The following FANCC variants were observed in gnomAD, a reference collection of about 807,000 sequenced individuals.
FANCC encodes FA complementation group C, also known as Fanconi anemia group C protein.
In FANCC, 55 loss-of-function variants were observed where a neutral mutation model predicts 71.3. The observed-to-expected ratio is 0.77, with a 90% CI of 0.62 to 0.97. The LOEUF (loss-of-function observed/expected upper bound fraction) is 0.97. Ranked by LOEUF, FANCC falls within the 50% of genes least tolerant of loss-of-function variation. The pLI is 0.00. For synonymous variants in FANCC, 275 were observed against 244.9 expected (o/e 1.12, Z -1.15); for missense variants, 678 against 670.9 (o/e 1.01, Z -0.12).
At chr9:95,106,660 C>A (rs1159064085) in intron 14 of FANCC, among the ~76,000 whole-genome samples, 1 of 152,206 alleles carries the variant, frequency 6.6e-6, no homozygotes, top group Admixed American at 6.5e-5. Context: ...TAACAGAATT[C>A]TTTGCACTGT....
chr9:95,155,272 A>AAGGGGAGGGG, intron 6 of FANCC, among the ~76,000 whole-genome samples: 1 of 21,284 alleles, frequency 4.7e-5, no homozygotes, highest in East Asian at 2.2e-3. Context: ...GAGGGGAGGA[A>AAGGGGAGGGG]AGGGGAGGGG....
intron 7 of FANCC, among the ~76,000 whole-genome samples, chr9:95,139,920 T>C (rs1195730035): frequency 1.3e-5 from 2 of 150,400 alleles, no homozygotes; most frequent in Non-Finnish European, 3.0e-5. Context: ...AAAAAATGTT[T>C]TTAGGGAAAC....
intron 1 of FANCC, among the ~76,000 whole-genome samples, chr9:95,257,430 T>C (rs1424946165): frequency 6.6e-6 from 1 of 152,190 alleles, no homozygotes; most frequent in Non-Finnish European, 1.5e-5. Flanking sequence ...CCTGAATGAC[T>C]ACTGGGTAAA....
intron 8 of FANCC, among the ~76,000 whole-genome samples, chr9:95,134,794 G>C (rs779216142): frequency 7.2e-5 from 11 of 152,248 alleles, no homozygotes; most frequent in Non-Finnish European, 1.6e-4. Flanking sequence ...ACGTGGGCTG[G>C]AGTCCCCAGC....
At chr9:95,154,985 T>C (rs1201758366) in intron 6 of FANCC, among the ~76,000 whole-genome samples, 1 of 151,590 alleles carries the variant, frequency 6.6e-6, no homozygotes, top group Non-Finnish European at 1.5e-5. Flanking sequence ...GTGGGTGGAC[T>C]GCTTCAGCCC....
intron 6 of FANCC, among the ~76,000 whole-genome samples, chr9:95,152,958 CTA>C (rs934183460): frequency 9.9e-5 from 15 of 152,242 alleles, no homozygotes; most frequent in Non-Finnish European, 1.5e-4. Flanking sequence ...CGCAAAAAAA[CTA>C]TGTTTTAAGC....
At chr9:95,178,819 T>G (rs1432905718) in intron 4 of FANCC, among the ~76,000 whole-genome samples, 3 of 152,244 alleles carry the variant, frequency 2.0e-5, no homozygotes, top group Non-Finnish European at 2.9e-5. Flanking sequence ...GTAAGGGCGT[T>G]AAAATATAAT....
chr9:95,242,664 A>C (rs1000646520), intron 3 of FANCC, among the ~76,000 whole-genome samples: 1 of 152,160 alleles, frequency 6.6e-6, no homozygotes, highest in Non-Finnish European at 1.5e-5. Flanking sequence ...AAATAAAAAA[A>C]GAGAAGGAGC....
rs369901906 is a variant in FANCC, at chr9:95,130,299, T to TGTGA, written c.844-3719_844-3718insTCAC. Among the ~76,000 whole-genome samples, 151 of 149,274 alleles carry TGTGA rather than the reference T, an allele frequency of 1.0e-3. 1 individual carries two copies. The highest frequency in any genetic ancestry group is 3.5e-3 in the Middle Eastern group (1 of 288). On this transcript the variant is annotated intron_variant, in intron 8 of 14. Coordinates refer to ENST00000289081, the MANE Select transcript of FANCC (RefSeq NM_000136.3). ...TGCTGATTCTGTGTGTGTGTGTGTGTGAGAGAGAGAGAGAGAGAGAGAGAA... is the reference window on the plus strand; with the variant it reads ...TGCTGATTCTGTGTGTGTGTGTGTGTGTGAGAGAGAGAGAGAGAGAGAGAGAGAA...
intron 1 of FANCC, among the ~76,000 whole-genome samples, chr9:95,305,215 A>C (rs77230728): frequency 0.01 from 1,586 of 152,350 alleles, 29 homozygotes; most frequent in African/African-American, 0.037. Flanking sequence ...CCATGCACAA[A>C]GAATTAGGCC....
intron 1 of FANCC, chr9:95,293,759 T>C: frequency 6.2e-7 from 1 of 1,614,026 alleles, no homozygotes; most frequent in Non-Finnish European, 8.5e-7. Context: ...CATCTATAGC[T>C]GCTCAGACTG....
intron 4 of FANCC, 140 bp from the exon 5 acceptor site, chr9:95,172,287 C>CT: frequency 3.3e-6 from 2 of 606,616 alleles, no homozygotes; most frequent in Admixed American, 3.0e-5. Context: ...ACCCAATTTA[C>CT]TTTGATTCAA....
At chr9:95,104,651 A>G (rs771006372) in intron 14 of FANCC, among the ~76,000 whole-genome samples, 4 of 152,172 alleles carry the variant, frequency 2.6e-5, no homozygotes, top group Non-Finnish European at 5.9e-5. Context: ...TGGCATCAGG[A>G]TAACTGAAGC....
intron 1 of FANCC, among the ~76,000 whole-genome samples, chr9:95,258,010 T>C (rs1190964959): frequency 1.3e-5 from 2 of 152,186 alleles, no homozygotes; most frequent in Non-Finnish European, 2.9e-5. Flanking sequence ...AATCCCTGAA[T>C]AGACCAATAA....
At chr9:95,310,698 T>C (rs1835343292) in intron 1 of FANCC, among the ~76,000 whole-genome samples, 1 of 152,078 alleles carries the variant, frequency 6.6e-6, no homozygotes, top group African/African-American at 2.4e-5. Context: ...CTAGAGGTAG[T>C]ATCAGTGTTC....
At chr9:95,200,520 G>C (rs996037728) in intron 4 of FANCC, among the ~76,000 whole-genome samples, 1 of 152,190 alleles carries the variant, frequency 6.6e-6, no homozygotes, top group Non-Finnish European at 1.5e-5. Flanking sequence ...AGAGTGGCAA[G>C]ACGAACAGCA....
chr9:95,230,877 T>C (rs935774523), intron 4 of FANCC, among the ~76,000 whole-genome samples: 1 of 152,166 alleles, frequency 6.6e-6, no homozygotes, highest in Non-Finnish European at 1.5e-5. Flanking sequence ...AGAGTGCTGA[T>C]TGGTGCATTT....
intron 4 of FANCC, among the ~76,000 whole-genome samples, chr9:95,181,133 C>CACAT (rs1377695735): frequency 7.0e-6 from 1 of 143,196 alleles, no homozygotes; most frequent in Non-Finnish European, 1.5e-5. Flanking sequence ...TCTATATATA[C>CACAT]ACATACACAC....
At chr9:95,244,574 G>A (rs1830828233) in intron 3 of FANCC, among the ~76,000 whole-genome samples, 1 of 149,538 alleles carries the variant, frequency 6.7e-6, no homozygotes, top group African/African-American at 2.5e-5. Context: ...AGCTACTCAG[G>A]AGGCTGAGGC....
Sources: gnomAD v4.1 joint callset for allele counts (sites outside exome capture counted in the v4.1 genomes callset) on GRCh38, gnomAD v4.1.1 for gene constraint, MANE v1.5 for transcripts, NCBI Gene and HGNC (gene_info 2026-07-23, HGNC 2026-07-21) for gene names.